EML6: variants seen among roughly 807,000 people sequenced by gnomAD.
The protein encoded by EML6 is echinoderm microtubule-associated protein-like 6.
EML6 carries 154 observed loss-of-function variants against 240.1 expected under a neutral mutation model. That is an observed-to-expected ratio of 0.64 (90% CI 0.56 to 0.73). The LOEUF is 0.73. EML6 is among the 30% of genes least tolerant of loss of function. The pLI is 0.00. For missense variants in EML6, 2,964 were observed against 2,474.6 expected, an observed-to-expected ratio of 1.20 and a Z score of -4.20; for synonymous variants, 1,148 against 899.0, an observed-to-expected ratio of 1.28 and a Z score of -4.95.
chr2:54,889,297 G>C (rs1672328027), intron 17 of EML6, among the ~76,000 whole-genome samples: 1 of 151,858 alleles, frequency 6.6e-6, no homozygotes, highest in East Asian at 1.9e-4. Flanking sequence ...TTCCATGAGA[G>C]CTTTAAAATC....
At chr2:54,961,533 T>G (rs1000600132) in intron 35 of EML6, among the ~76,000 whole-genome samples, 4 of 151,666 alleles carry the variant, frequency 2.6e-5, no homozygotes, top group Non-Finnish European at 5.9e-5. Flanking sequence ...ACTAAGAGCT[T>G]GAGCTGTCCA....
At chr2:54,813,079 T>C (rs13406433) in intron 2 of EML6, among the ~76,000 whole-genome samples, 153 bp from the exon 3 acceptor site, 3,450 of 152,304 alleles carry the variant, frequency 0.023, 124 homozygotes, top group African/African-American at 0.078. Context: ...TTTCAATTAG[T>C]CAAATCAAGT....
intron 24 of EML6, among the ~76,000 whole-genome samples, chr2:54,907,350 T>G (rs368782766): frequency 6.6e-6 from 1 of 152,022 alleles, no homozygotes; most frequent in Non-Finnish European, 1.5e-5. Flanking sequence ...CTACTAAAAT[T>G]ACAAAAATCA....
intron 2 of EML6, among the ~76,000 whole-genome samples, chr2:54,759,513 G>A (rs1667883528): frequency 1.3e-5 from 2 of 152,184 alleles, no homozygotes; most frequent in South Asian, 4.2e-4. Flanking sequence ...TAAACGCATA[G>A]TAACTTTATT....
At chr2:54,814,369 C>G (rs530691051) in intron 3 of EML6, among the ~76,000 whole-genome samples, 4 of 152,270 alleles carry the variant, frequency 2.6e-5, no homozygotes, top group African/African-American at 9.6e-5. Flanking sequence ...TTCTCTTCTT[C>G]CTTTGACTTA....
At chr2:54,904,159 C>T (rs1673198835) in intron 24 of EML6, among the ~76,000 whole-genome samples, 1 of 152,136 alleles carries the variant, frequency 6.6e-6, no homozygotes, top group African/African-American at 2.4e-5. Flanking sequence ...GAGGGAGATA[C>T]TTATCCATAA....
At chr2:54,788,425 TGA>T (rs1352636473) in intron 2 of EML6, among the ~76,000 whole-genome samples, 1 of 152,260 alleles carries the variant, frequency 6.6e-6, no homozygotes, top group East Asian at 1.9e-4. Context: ...GAGTTTTCTG[TGA>T]GAGGGGCATC....
chr2:54,897,136 A>G (rs998004809), intron 21 of EML6, among the ~76,000 whole-genome samples: 1 of 152,158 alleles, frequency 6.6e-6, no homozygotes, highest in Admixed American at 6.5e-5. Context: ...AATTGTTTCC[A>G]TGTATGCTAT....
chr2:54,908,949 A>G (rs893697248), intron 24 of EML6, among the ~76,000 whole-genome samples: 7 of 152,188 alleles, frequency 4.6e-5, no homozygotes, highest in Admixed American at 3.3e-4. Flanking sequence ...GCTGTCTACA[A>G]TGCTACACAG....
At chr2:54,753,436 A>T (rs758238426) in intron 2 of EML6, among the ~76,000 whole-genome samples, 1 of 152,326 alleles carries the variant, frequency 6.6e-6, no homozygotes, top group South Asian at 2.1e-4. Flanking sequence ...AGTGGGCTCA[A>T]TGTAATCATA....
At chr2:54,927,201 A>G (rs1375780338) in intron 26 of EML6, among the ~76,000 whole-genome samples, 1 of 152,186 alleles carries the variant, frequency 6.6e-6, no homozygotes, top group African/African-American at 2.4e-5. Context: ...TAGGCTCAGT[A>G]CTCTGCTGAG....
intron 2 of EML6, among the ~76,000 whole-genome samples, chr2:54,792,569 G>C (rs1191243213): frequency 6.6e-6 from 1 of 152,210 alleles, no homozygotes; most frequent in African/African-American, 2.4e-5. Context: ...GGAGGTGATA[G>C]AACTGTTGCG....
Position 54,952,604 on chromosome 2 carries a change from C to A in EML6, c.4224C>A (p.Ser1408Arg). The change falls in exon 31 of 42, where the codon AGC (serine) becomes AGA (arginine). Residue 1408 changes from serine to arginine, a missense_variant. Transcript: ENST00000356458. ...IVQNLSTGSQ[S>R]FYLEHTDDIL... ...ATCTCTCTCCCCCAGGGAGCCAGAG[C>A]TTCTATCTGGAGCACACAGATGACA... 6.5e-7 allele frequency: 1 copy of A among 1,550,352 alleles called. No individual in the cohort carries two copies. Among genetic ancestry groups the A allele is most frequent in the Non-Finnish European group, 8.7e-7 (1 of 1,146,124 alleles).
At chr2:54,761,841 T>A (rs1442885250) in intron 2 of EML6, among the ~76,000 whole-genome samples, 1 of 151,724 alleles carries the variant, frequency 6.6e-6, no homozygotes, top group African/African-American at 2.4e-5. Flanking sequence ...TCTTTATAGA[T>A]ACGCATTAGT....
intron 32 of EML6, among the ~76,000 whole-genome samples, chr2:54,956,565 G>T (rs1371248243): frequency 1.3e-5 from 2 of 152,168 alleles, no homozygotes; most frequent in African/African-American, 4.8e-5. Flanking sequence ...AGTAGAGAGA[G>T]ATCTGCTACA....
At chr2:54,950,810 C>A (rs746767421) in intron 30 of EML6, 31 bp downstream of exon 30, 28 of 1,540,288 alleles carry the variant, frequency 1.8e-5, no homozygotes, top group Non-Finnish European at 2.4e-5. Flanking sequence ...ACAGGTTTTT[C>A]TTTTAGCTGT....
chr2:54,922,734 C>G (rs1427204713), intron 26 of EML6, among the ~76,000 whole-genome samples: 1 of 151,968 alleles, frequency 6.6e-6, no homozygotes, highest in Admixed American at 6.6e-5. Context: ...GAAGGAAATC[C>G]TGTCATTTGC....
chr2:54,889,397 A>G (rs1672334707), intron 17 of EML6, among the ~76,000 whole-genome samples: 3 of 129,482 alleles, frequency 2.3e-5, no homozygotes, highest in Admixed American at 7.7e-5. Flanking sequence ...GATAACTGCT[A>G]TCTTTAGGAT....
chr2:54,868,899 G>T, intron 14 of EML6: 1 of 349,810 alleles, frequency 2.9e-6, no homozygotes, highest in East Asian at 4.6e-5. Flanking sequence ...CCTCATCACA[G>T]ATGTGTTCTC....
Sources: allele counts gnomAD v4.1 joint callset (sites outside exome capture counted in the v4.1 genomes callset), GRCh38; gene constraint gnomAD v4.1.1; transcripts MANE v1.5; gene names NCBI Gene and HGNC (gene_info 2026-07-23, HGNC 2026-07-21).